The following DNAI2 variants were observed in gnomAD, a reference collection of about 807,000 sequenced individuals.
DNAI2 encodes the protein dynein axonemal intermediate chain 2, also known as dynein, axonemal, intermediate polypeptide 2.
DNAI2 carries 63 observed loss-of-function variants against 74.7 expected under a neutral mutation model. That is an observed-to-expected ratio of 0.84 (90% confidence interval 0.69 to 1.04). The LOEUF (loss-of-function observed/expected upper bound fraction) is 1.04, where lower values mean the gene tolerates loss of function less well. Ranked by LOEUF, DNAI2 falls within the 50% of genes least tolerant of loss-of-function variation. The pLI, the probability that DNAI2 is intolerant of heterozygous loss-of-function variation, is 0.00. For missense variants in DNAI2, 688 were observed against 803.2 expected, an observed-to-expected ratio of 0.86 and a Z score of 1.73; for synonymous variants, 289 against 314.9, an observed-to-expected ratio of 0.92 and a Z score of 0.87.
intron 2 of DNAI2, among the ~76,000 whole-genome samples, chr17:74,284,625 G>T (rs2143898702): frequency 6.6e-6 from 1 of 152,244 alleles, no homozygotes; most frequent in Non-Finnish European, 1.5e-5. Context: ...TGTTAGCGAG[G>T]ACGGTCTCGA....
chr17:74,314,642 G>A lies in DNAI2; in HGVS notation c.*109G>A. Reference sequence around the variant, plus strand: ...CAGGGCCTCGGGAAGACCTTCAGGAGTGGGGAAGGGTTTCTCCTCCATGAT... The same window carrying A: ...CAGGGCCTCGGGAAGACCTTCAGGAATGGGGAAGGGTTTCTCCTCCATGAT... On this transcript the variant is annotated 3_prime_UTR_variant, in exon 14 of 14. Coordinates refer to ENST00000311014, the MANE Select transcript of DNAI2 (RefSeq NM_023036.6). 3.9e-6 allele frequency: 1 copy of A among 253,658 alleles called. No individual in the cohort carries two copies. Among genetic ancestry groups the A allele is most frequent in the South Asian group, 4.9e-5 (1 of 20,530 alleles). The allele number at this position is 253,658 out of a possible 1,614,324, so 15.7% of individuals were successfully genotyped here. A position where few individuals can be genotyped will look rare whatever the true frequency, so the allele number is the denominator to read the frequency against.
At chr17:74,305,018 G>A (rs2053096778) in intron 8 of DNAI2, among the ~76,000 whole-genome samples, 1 of 152,180 alleles carries the variant, frequency 6.6e-6, no homozygotes, top group African/African-American at 2.4e-5. Context: ...GGCTCCTTGA[G>A]CAGCTTCCAA....
intron 2 of DNAI2, 28 bp from the exon 3 acceptor site, chr17:74,285,012 G>A (rs1282073427): frequency 6.8e-6 from 11 of 1,613,912 alleles, no homozygotes; most frequent in South Asian, 2.2e-5. Flanking sequence ...CCAGGGTGAC[G>A]TCTTCCCTCC....
rs35985071 is a variant in DNAI2, at chr17:74,285,090, G to C, written c.234G>C (p.Glu78Asp). 2 of 1,614,092 alleles carry C rather than the reference G, an allele frequency of 1.2e-6. No homozygotes were observed. The highest frequency in any genetic ancestry group is 8.5e-7 in the Non-Finnish European group (1 of 1,180,050). The change falls in exon 3 of 14, where the codon GAG becomes GAC. Residue 78 changes from glutamate to aspartate, a missense_variant. Coordinates refer to ENST00000311014, the MANE Select transcript of DNAI2 (RefSeq NM_023036.6). ...AGACCCGGGGAGTTAACCATGTCGA[G>C]GGGGGCTGGCCCAAGGACGTGAACC... ...EMETRGVNHV[E>D]GGWPKDVNPL... is the part of the protein sequence containing the mutation.
At chr17:74,275,423 G>C (rs910074661) in intron 1 of DNAI2, among the ~76,000 whole-genome samples, 1 of 152,116 alleles carries the variant, frequency 6.6e-6, no homozygotes, top group African/African-American at 2.4e-5. Context: ...AGGTGCACAA[G>C]GACATAAGAA....
chr17:74,297,525 G>A (rs967018366), intron 6 of DNAI2, among the ~76,000 whole-genome samples: 2 of 151,874 alleles, frequency 1.3e-5, no homozygotes, highest in African/African-American at 2.4e-5. Context: ...CCAGAGGCTG[G>A]TGCATGCCAC....
At chr17:74,309,415 T>G (rs2053378291) in intron 10 of DNAI2, 27 bp downstream of exon 10, 2 of 1,613,968 alleles carry the variant, frequency 1.2e-6, no homozygotes, top group Non-Finnish European at 1.7e-6. Flanking sequence ...TCCTTGTGCA[T>G]CCAGGTCCTC....
At chr17:74,305,545 G>T in intron 9 of DNAI2, 103 bp downstream of exon 9, 2 of 1,058,408 alleles carry the variant, frequency 1.9e-6, no homozygotes, top group Non-Finnish European at 2.8e-6. Flanking sequence ...ATGTAAAATG[G>T]AGAAAAACCT....
chr17:74,275,142 G>A lies in DNAI2; in HGVS notation c.-12+797G>A, dbSNP rs77937702. ...GACAGGAGTCTTGGGCCCCTTCTAT[G>A]TGCCAGTCCCTGGGGACGGGAGTGA... On this transcript the variant is annotated intron_variant, in intron 1 of 13. Coordinates refer to ENST00000311014, the MANE Select transcript of DNAI2 (RefSeq NM_023036.6). Among the ~76,000 whole-genome samples, 89 of 152,318 alleles carry A rather than the reference G, an allele frequency of 5.8e-4. 1 individual carries two copies. In the East Asian group the frequency reaches 0.014, roughly 24 times the overall value.
intron 2 of DNAI2, among the ~76,000 whole-genome samples, chr17:74,282,208 G>C (rs1418391426): frequency 1.8e-4 from 28 of 152,174 alleles, no homozygotes; most frequent in Non-Finnish European, 1.5e-5. Flanking sequence ...CGCCTTCCTC[G>C]AGCCAGGGAA....
chr17:74,313,989 G>C, intron 12 of DNAI2, 132 bp from the exon 13 acceptor site: 1 of 1,494,704 alleles, frequency 6.7e-7, no homozygotes, highest in Non-Finnish European at 9.2e-7. Context: ...TGGCACCCGG[G>C]TTCCAGGGTG....
At chr17:74,309,977 C>G (rs1172419452) in intron 10 of DNAI2, 40 bp from the exon 11 acceptor site, 2 of 1,612,870 alleles carry the variant, frequency 1.2e-6, no homozygotes, top group African/African-American at 2.7e-5. Context: ...TAACTTTGCT[C>G]CTCTCTCCTC....
chr17:74,296,380 GGA>G (rs61153755), intron 6 of DNAI2, among the ~76,000 whole-genome samples: 40,903 of 134,684 alleles, frequency 0.3, 7,077 homozygotes, highest in Non-Finnish European at 0.4. Flanking sequence ...AGGGAGGGAG[GGA>G]GAGAGAGAGA....
chr17:74,297,070 C>T (rs566718899), intron 6 of DNAI2, among the ~76,000 whole-genome samples: 3 of 152,190 alleles, frequency 2.0e-5, no homozygotes, highest in African/African-American at 2.4e-5. Context: ...TGATGGCACA[C>T]CTGGAAAACT....
At chr17:74,275,942 T>C (rs1211653848) in intron 1 of DNAI2, among the ~76,000 whole-genome samples, 1 of 152,070 alleles carries the variant, frequency 6.6e-6, no homozygotes, top group Non-Finnish European at 1.5e-5. Context: ...CCAGGTGCCA[T>C]GCAGGGCCCA....
In DNAI2 at chr17:74,312,108, G is replaced by T. The variant is rs538543314; in HGVS notation, c.1600G>T (p.Asp534Tyr). The T allele has an allele frequency of 1.9e-6, 3 of 1,613,572 alleles. No homozygotes were observed. The highest frequency in any genetic ancestry group is 8.5e-7 in the Non-Finnish European group (1 of 1,179,964). Residue 534 changes from aspartate to tyrosine, a missense_variant, in exon 12 of 14, where the codon GAT (aspartate) becomes TAT (tyrosine). By Grantham distance (160) the Asp-to-Tyr change is radical. Coordinates refer to ENST00000311014, the MANE Select transcript of DNAI2 (RefSeq NM_023036.6). ...KAEGRDEEQT[D>Y]EELAVDLEAL... Reference sequence around the variant, plus strand: ...GGAGGGCAGGGATGAGGAGCAGACCGATGAGGAGCTGGCCGTAGACCTGGA... The same window carrying T: ...GGAGGGCAGGGATGAGGAGCAGACCTATGAGGAGCTGGCCGTAGACCTGGA...
chr17:74,284,073 G>A (rs2051546027), intron 2 of DNAI2, among the ~76,000 whole-genome samples: 1 of 151,610 alleles, frequency 6.6e-6, no homozygotes, highest in African/African-American at 2.4e-5. Context: ...AGGAGGCGAA[G>A]GTTGCAGTGA....
At chr17:74,292,682 A>G (rs1223429770) in intron 6 of DNAI2, among the ~76,000 whole-genome samples, 2 of 152,068 alleles carry the variant, frequency 1.3e-5, no homozygotes, top group Admixed American at 6.6e-5. Context: ...TGGCCTCCCA[A>G]AGTGCTGGGA....
intron 9 of DNAI2, chr17:74,307,335 C>T (rs764983344): frequency 2.2e-6 from 1 of 455,492 alleles, no homozygotes; most frequent in South Asian, 1.6e-5. Flanking sequence ...CCCTTGTCCT[C>T]CTCCTGCATA....
Sources: allele counts gnomAD v4.1 joint callset (sites outside exome capture counted in the v4.1 genomes callset), GRCh38; gene constraint gnomAD v4.1.1; transcripts MANE v1.5; gene names NCBI Gene and HGNC (gene_info 2026-07-23, HGNC 2026-07-21).